The following DENND4C variants were observed in gnomAD, a reference collection of about 807,000 sequenced individuals.
DENND4C encodes DENN domain containing 4C, also known as DENN domain-containing protein 4C.
In DENND4C, 108 loss-of-function variants were observed where a neutral mutation model predicts 203.0. That is an observed-to-expected ratio of 0.53 (90% confidence interval 0.46 to 0.62). The LOEUF is 0.62. Ranked by LOEUF, DENND4C falls within the 20% of genes least tolerant of loss-of-function variation. The probability of loss-of-function intolerance (pLI) is 0.00; values close to 1 mark genes in which losing one functional copy is unlikely to be tolerated. For missense variants in DENND4C, 2,481 were observed against 2,301.2 expected, an observed-to-expected ratio of 1.08 and a Z score of -1.60; for synonymous variants, 871 against 792.4, an observed-to-expected ratio of 1.10 and a Z score of -1.67.
rs116761837 is a variant in DENND4C at position 19,252,448 on chromosome 9, G to A, written c.-18+21615G>A. Among the ~76,000 whole-genome samples, 696 of 152,166 alleles carry A rather than the reference G, an allele frequency of 4.6e-3. 5 individuals are homozygous for A. Among genetic ancestry groups the A allele is most frequent in the Middle Eastern group, 0.021 (6 of 292 alleles). The stretch of plus-strand genomic sequence containing the variant: ...AAAAAGATTAACTGGGTGTGGTGCT[G>A]CACATCTGTAGTCATAGCTACTCAT... On this transcript the variant is annotated intron_variant, in intron 1 of 32. Transcript: ENST00000434457.
chr9:19,340,892 A>G, intron 20 of DENND4C, 100 bp from the exon 21 acceptor site: 1 of 1,066,994 alleles, frequency 9.4e-7, no homozygotes, highest in East Asian at 3.0e-5. Flanking sequence ...CTTTTGTCTA[A>G]CCGTAATTGT....
intron 2 of DENND4C, among the ~76,000 whole-genome samples, chr9:19,279,669 T>A (rs1339794235): frequency 1.4e-5 from 2 of 146,780 alleles, no homozygotes; most frequent in Non-Finnish European, 3.0e-5. Context: ...AGAGTGAAAC[T>A]CCTTCTCAAG....
At chr9:19,232,486 A>G (rs1257977282) in intron 1 of DENND4C, among the ~76,000 whole-genome samples, 1 of 152,244 alleles carries the variant, frequency 6.6e-6, no homozygotes, top group Non-Finnish European at 1.5e-5. Context: ...TTTGGGTAAT[A>G]GAAAAGCTAT....
At chr9:19,250,076 T>C (rs559044512) in intron 1 of DENND4C, among the ~76,000 whole-genome samples, 143 of 152,248 alleles carry the variant, frequency 9.4e-4, no homozygotes, top group Middle Eastern at 3.4e-3. Context: ...GGTGGGACGA[T>C]TGCATGAGGC....
intron 16 of DENND4C, among the ~76,000 whole-genome samples, chr9:19,331,389 G>T (rs1309365054): frequency 1.3e-5 from 2 of 152,040 alleles, no homozygotes; most frequent in African/African-American, 4.8e-5. Context: ...TTTTAGTAGA[G>T]ACTGGGTTTC....
At chr9:19,261,345 T>C (rs1428338538) in intron 1 of DENND4C, among the ~76,000 whole-genome samples, 3 of 152,150 alleles carry the variant, frequency 2.0e-5, no homozygotes, top group East Asian at 1.9e-4. Context: ...TCTGGGTCTT[T>C]TGTGGCTCCA....
chr9:19,331,433 C>G (rs1198429739), intron 16 of DENND4C, among the ~76,000 whole-genome samples: 1 of 152,064 alleles, frequency 6.6e-6, no homozygotes, highest in East Asian at 1.9e-4. Context: ...GATCTCCTGA[C>G]CTCGTGATCC....
At chr9:19,247,169 C>T (rs1588731127) in intron 1 of DENND4C, among the ~76,000 whole-genome samples, 1 of 152,192 alleles carries the variant, frequency 6.6e-6, no homozygotes, top group East Asian at 1.9e-4. Context: ...TAATTTATGG[C>T]AGCTCCTTCT....
intron 1 of DENND4C, among the ~76,000 whole-genome samples, chr9:19,256,789 G>C (rs1205066134): frequency 7.9e-5 from 12 of 152,032 alleles, no homozygotes; most frequent in Admixed American, 6.6e-4. Context: ...AATAAAACAA[G>C]GCCGGGTGCA....
chr9:19,314,981 A>G (rs1410387325), intron 10 of DENND4C, among the ~76,000 whole-genome samples: 1 of 151,778 alleles, frequency 6.6e-6, no homozygotes, highest in African/African-American at 2.4e-5. Context: ...GGACAACATG[A>G]TGAAACCCTG....
At chr9:19,231,334 C>T (rs972672363) in intron 1 of DENND4C, among the ~76,000 whole-genome samples, 6 of 151,966 alleles carry the variant, frequency 3.9e-5, no homozygotes, top group African/African-American at 1.5e-4. Flanking sequence ...AGGAGGGGGA[C>T]CTGGGCAGGT....
At chr9:19,301,423 C>T (rs995394904) in intron 9 of DENND4C, among the ~76,000 whole-genome samples, 3 of 152,084 alleles carry the variant, frequency 2.0e-5, no homozygotes, top group African/African-American at 7.2e-5. Context: ...CAGAGTAGGC[C>T]CTCAGTAAAT....
chr9:19,270,133 G>T (rs949325220), intron 1 of DENND4C, among the ~76,000 whole-genome samples: 14 of 152,216 alleles, frequency 9.2e-5, no homozygotes, highest in African/African-American at 3.4e-4. Context: ...CGCTCTCCAT[G>T]CTGAGCTACC....
chr9:19,231,487 A>C (rs979147517), intron 1 of DENND4C, among the ~76,000 whole-genome samples: 9 of 151,870 alleles, frequency 5.9e-5, no homozygotes, highest in African/African-American at 2.2e-4. Context: ...ATGAAGTCCT[A>C]AGGCTGACTC....
chr9:19,253,827 A>T (rs1827251763), intron 1 of DENND4C, among the ~76,000 whole-genome samples: 1 of 152,096 alleles, frequency 6.6e-6, no homozygotes, highest in African/African-American at 2.4e-5. Context: ...AATGGCATTT[A>T]TTAGAATGTG....
At chr9:19,317,804 T>G (rs1842100708) in intron 12 of DENND4C, among the ~76,000 whole-genome samples, 1 of 152,174 alleles carries the variant, frequency 6.6e-6, no homozygotes, top group African/African-American at 2.4e-5. Context: ...TTTGGAAGTT[T>G]TAAGAGTTCA....
At chr9:19,360,184 T>C in intron 28 of DENND4C, 60 bp from the exon 29 acceptor site, 1 of 1,524,042 alleles carries the variant, frequency 6.6e-7, no homozygotes, top group Non-Finnish European at 9.0e-7. Context: ...CATTGAGAAG[T>C]GCTCTTGAGC....
chr9:19,359,625 A>G (rs999747210), intron 28 of DENND4C, among the ~76,000 whole-genome samples: 4 of 151,764 alleles, frequency 2.6e-5, no homozygotes, highest in African/African-American at 9.7e-5. Context: ...GTCCCTTTAG[A>G]GGGAAATGGT....
intron 1 of DENND4C, among the ~76,000 whole-genome samples, chr9:19,250,235 G>A (rs1222700417): frequency 6.6e-6 from 1 of 152,078 alleles, no homozygotes; most frequent in Non-Finnish European, 1.5e-5. Flanking sequence ...CTGAGGTCAG[G>A]AGTTCAGGAC....
Sources: allele counts gnomAD v4.1 joint callset (sites outside exome capture counted in the v4.1 genomes callset), GRCh38; gene constraint gnomAD v4.1.1; transcripts MANE v1.5; gene names NCBI Gene and HGNC (gene_info 2026-07-23, HGNC 2026-07-21).